The following PTPRR variants were observed in gnomAD, a reference collection of about 807,000 sequenced individuals.
PTPRR encodes receptor-type tyrosine-protein phosphatase R.
PTPRR carries 38 observed loss-of-function variants against 77.2 expected under a neutral mutation model. The ratio of observed to expected loss-of-function variants is 0.49; its 90% confidence interval spans 0.38 to 0.65. The LOEUF is 0.65. PTPRR is among the 30% of genes least tolerant of loss of function. The probability of loss-of-function intolerance (pLI) is 0.00; values close to 1 mark genes in which losing one functional copy is unlikely to be tolerated. For missense variants in PTPRR, 744 were observed against 799.2 expected, an observed-to-expected ratio of 0.93 and a Z score of 0.83; for synonymous variants, 299 against 283.1, an observed-to-expected ratio of 1.06 and a Z score of -0.57.
chr12:70,756,046 T>G (rs1190881164), intron 4 of PTPRR, among the ~76,000 whole-genome samples: 1 of 152,130 alleles, frequency 6.6e-6, no homozygotes, highest in Non-Finnish European at 1.5e-5. Context: ...TATAAGGAGT[T>G]GAGCTTAAGC....
chr12:70,874,017 C>T (rs1207666782), intron 2 of PTPRR, among the ~76,000 whole-genome samples: 1 of 152,080 alleles, frequency 6.6e-6, no homozygotes, highest in African/African-American at 2.4e-5. Context: ...TACTAATACC[C>T]TAATTAGACT....
At chr12:70,662,042 C>T (rs558152778) in intron 11 of PTPRR, among the ~76,000 whole-genome samples, 82 of 152,274 alleles carry the variant, frequency 5.4e-4, no homozygotes, top group African/African-American at 1.8e-3. Flanking sequence ...TGTAACTCCA[C>T]GCTTCTGAAG....
intron 1 of PTPRR, among the ~76,000 whole-genome samples, chr12:70,916,656 C>T (rs558780434): frequency 6.6e-6 from 1 of 151,840 alleles, no homozygotes; most frequent in South Asian, 2.1e-4. Flanking sequence ...TTCTAAGGAA[C>T]ATCTTAAAAT....
chr12:70,821,958 C>T (rs1892023059), intron 2 of PTPRR, among the ~76,000 whole-genome samples: 1 of 152,162 alleles, frequency 6.6e-6, no homozygotes, highest in Admixed American at 6.5e-5. Context: ...GCCACCACGC[C>T]CGGCCGAAAC....
chr12:70,812,141 A>G (rs1404904088), intron 2 of PTPRR, among the ~76,000 whole-genome samples: 4 of 152,146 alleles, frequency 2.6e-5, no homozygotes, highest in African/African-American at 9.7e-5. Context: ...CACTTTTTTT[A>G]GATTAGAAAA....
intron 6 of PTPRR, among the ~76,000 whole-genome samples, chr12:70,713,100 A>C (rs1415084774): frequency 6.6e-6 from 1 of 152,096 alleles, no homozygotes; most frequent in African/African-American, 2.4e-5. Flanking sequence ...GTGTCTGTAG[A>C]TTTACCTGCT....
intron 10 of PTPRR, among the ~76,000 whole-genome samples, chr12:70,683,403 A>G (rs1381487823): frequency 1.3e-5 from 2 of 152,210 alleles, no homozygotes; most frequent in African/African-American, 4.8e-5. Flanking sequence ...AAATCCTTAG[A>G]AAAGACTACT....
intron 10 of PTPRR, among the ~76,000 whole-genome samples, chr12:70,678,892 G>A (rs1887550248): frequency 6.6e-6 from 1 of 152,108 alleles, no homozygotes; most frequent in Admixed American, 6.5e-5. Context: ...ATGTTGGCCA[G>A]GCTGGTCTCG....
intron 10 of PTPRR, among the ~76,000 whole-genome samples, chr12:70,680,735 T>G (rs1887624698): frequency 6.6e-6 from 1 of 152,140 alleles, no homozygotes; most frequent in African/African-American, 2.4e-5. Context: ...GGGGCTTGGC[T>G]TGCCAACTCA....
chr12:70,673,675 T>C (rs1277975367), intron 10 of PTPRR, among the ~76,000 whole-genome samples: 1 of 152,188 alleles, frequency 6.6e-6, no homozygotes, highest in Non-Finnish European at 1.5e-5. Flanking sequence ...AGGGCATGAA[T>C]GCACTTTGAA....
chr12:70,812,230 G>A lies in PTPRR; in HGVS notation c.358-47452C>T, dbSNP rs191221736. Among the ~76,000 whole-genome samples the A allele has an allele frequency of 3.3e-3, 501 of 152,204 alleles. 5 individuals are homozygous for A. Among genetic ancestry groups the A allele is most frequent in the Admixed American group, 9.6e-3 (147 of 15,282 alleles). On this transcript the variant is annotated intron_variant, in intron 2 of 13. Transcript: ENST00000283228. ...GTTCTATAAGATGCTGTTGTAAATG[G>A]CAATATAATTGCACAAGAGACACTG...
intron 2 of PTPRR, among the ~76,000 whole-genome samples, chr12:70,789,747 A>G (rs1248608721): frequency 6.6e-6 from 1 of 152,182 alleles, no homozygotes; most frequent in Non-Finnish European, 1.5e-5. Flanking sequence ...GACTCAAGTT[A>G]TATGGCATAA....
At chr12:70,773,450 A>G (rs1364637621) in intron 2 of PTPRR, among the ~76,000 whole-genome samples, 1 of 152,294 alleles carries the variant, frequency 6.6e-6, no homozygotes, top group African/African-American at 2.4e-5. Flanking sequence ...CTGAGTCAAT[A>G]CAAGTAGGAA....
intron 2 of PTPRR, among the ~76,000 whole-genome samples, chr12:70,768,408 G>C (rs1453662033): frequency 6.6e-6 from 1 of 152,192 alleles, no homozygotes; most frequent in Non-Finnish European, 1.5e-5. Context: ...AGAAAATCTA[G>C]AAGAAATGGA....
intron 6 of PTPRR, among the ~76,000 whole-genome samples, chr12:70,727,350 G>C (rs571256872): frequency 1.6e-4 from 24 of 151,646 alleles, no homozygotes; most frequent in Middle Eastern, 6.8e-3. Context: ...TCCAGAAAAG[G>C]GATTGATTGA....
chr12:70,787,147 T>C, intron 2 of PTPRR, among the ~76,000 whole-genome samples: 1 of 152,204 alleles, frequency 6.6e-6, no homozygotes, highest in East Asian at 1.9e-4. Flanking sequence ...TTCATCCTGT[T>C]ATTACTTCTC....
intron 10 of PTPRR, among the ~76,000 whole-genome samples, chr12:70,668,428 C>T (rs903130342): frequency 2.6e-5 from 4 of 152,148 alleles, no homozygotes; most frequent in Admixed American, 2.0e-4. Flanking sequence ...TGTTAGTGCT[C>T]CATAAACAGT....
chr12:70,861,276 AGCACAGTCT>A (rs1892748794), intron 2 of PTPRR, among the ~76,000 whole-genome samples: 1 of 152,148 alleles, frequency 6.6e-6, no homozygotes, highest in African/African-American at 2.4e-5. Context: ...AGTATCTCAT[AGCACAGTCT>A]CTGAGGGCAT....
At chr12:70,798,145 T>G (rs1289527972) in intron 2 of PTPRR, among the ~76,000 whole-genome samples, 1 of 152,204 alleles carries the variant, frequency 6.6e-6, no homozygotes, top group Non-Finnish European at 1.5e-5. Flanking sequence ...TAAGTGGAAC[T>G]ACTAATCATT....
Sources: allele counts gnomAD v4.1 joint callset (sites outside exome capture counted in the v4.1 genomes callset), GRCh38; gene constraint gnomAD v4.1.1; transcripts MANE v1.5; gene names NCBI Gene and HGNC (gene_info 2026-07-23, HGNC 2026-07-21).